AACS: variants seen among roughly 807,000 people sequenced by gnomAD.
AACS encodes acetoacetyl-CoA synthetase.
A neutral mutation model predicts 83.1 loss-of-function variants in AACS; 69 were observed. The observed-to-expected ratio is 0.83, with a 90% CI of 0.68 to 1.01. AACS has a LOEUF of 1.01. AACS is among the 50% of genes least tolerant of loss of function. The probability of loss-of-function intolerance (pLI) is 0.00; values close to 1 mark genes in which losing one functional copy is unlikely to be tolerated. For synonymous variants in AACS, 333 were observed against 343.4 expected, an observed-to-expected ratio of 0.97 and a Z score of 0.33; for missense variants, 866 against 882.2, an observed-to-expected ratio of 0.98 and a Z score of 0.23.
At chr12:125,110,433 T>G (rs908503585) in intron 8 of AACS, among the ~76,000 whole-genome samples, 8 of 152,148 alleles carry the variant, frequency 5.3e-5, no homozygotes, top group Admixed American at 4.6e-4. Flanking sequence ...CTTCTGCCCC[T>G]GGGCTTCCTG....
At chr12:125,077,555 C>T in intron 3 of AACS, among the ~76,000 whole-genome samples, 1 of 151,642 alleles carries the variant, frequency 6.6e-6, no homozygotes, top group Admixed American at 6.6e-5. Context: ...GTTTATTGGA[C>T]ACTCTTTGTG....
rs753641338 is a variant in AACS at position 125,103,081 on chromosome 12, G to C, written c.767G>C (p.Ser256Thr). 2 of 1,613,498 alleles carry C rather than the reference G, an allele frequency of 1.2e-6. No individual in the cohort carries two copies. The highest frequency in any genetic ancestry group is 2.2e-5 in the South Asian group (2 of 90,870). ...ENIDLSKIPN[S>T]VFLDDFLATG... Reference sequence around the variant, plus strand: ...ATAGACCTTTCAAAGATTCCAAACAGGTAATGTACCGCATTCTGACCCACA... The same window carrying C: ...ATAGACCTTTCAAAGATTCCAAACACGTAATGTACCGCATTCTGACCCACA... The change falls in exon 7 of 18, where the codon AGT (serine) becomes ACT (threonine). Residue 256 changes from serine to threonine, a missense_variant and splice_region_variant. By Grantham distance (58) the Ser-to-Thr change is moderately conservative. Transcript: ENST00000316519.
At chr12:125,093,857 C>T (rs1047693334) in intron 5 of AACS, among the ~76,000 whole-genome samples, 1 of 152,198 alleles carries the variant, frequency 6.6e-6, no homozygotes, top group African/African-American at 2.4e-5. Context: ...GAGATCCAGC[C>T]GGTTGGCAGG....
intron 7 of AACS, among the ~76,000 whole-genome samples, chr12:125,104,959 A>G (rs559137413): frequency 7.0e-6 from 1 of 142,772 alleles, no homozygotes; most frequent in East Asian, 2.3e-4. Flanking sequence ...GGCGGAAGGG[A>G]AGTGGAGCGG....
intron 16 of AACS, 27 bp downstream of exon 16, chr12:125,134,879 C>T (rs2136139427): frequency 1.2e-6 from 2 of 1,613,766 alleles, no homozygotes; most frequent in Non-Finnish European, 1.7e-6. Context: ...CCTGAGCGTT[C>T]TCCAGTCTCC....
intron 9 of AACS, among the ~76,000 whole-genome samples, chr12:125,116,912 G>A (rs1195772464): frequency 1.6e-5 from 2 of 127,090 alleles, no homozygotes; most frequent in African/African-American, 5.9e-5. Context: ...TTCCTTTCCC[G>A]TTTTCCCTTT....
intron 7 of AACS, among the ~76,000 whole-genome samples, chr12:125,106,161 CG>C (rs1404159875): frequency 6.6e-6 from 1 of 152,220 alleles, no homozygotes; most frequent in East Asian, 1.9e-4. Flanking sequence ...CTGCAGGCTG[CG>C]TTTAACTGAT....
chr12:125,110,056 G>C (rs1193313498), intron 8 of AACS, among the ~76,000 whole-genome samples: 1 of 150,938 alleles, frequency 6.6e-6, no homozygotes, highest in Non-Finnish European at 1.5e-5. Flanking sequence ...TCCCGGCACT[G>C]TCACCTGGGC....
chr12:125,123,413 G>A (rs928049818), intron 10 of AACS: 1 of 152,244 alleles, frequency 6.6e-6, no homozygotes, highest in Non-Finnish European at 1.5e-5. Context: ...GGTGGGAGGA[G>A]CTAGTCTCCC....
At position 125,113,707 on chromosome 12, in the gene AACS, A is replaced by G. The variant is rs943884341; in HGVS notation, c.916-770A>G. Among the ~76,000 whole-genome samples, 4 of 152,226 alleles carry G rather than the reference A, an allele frequency of 2.6e-5. No homozygotes were observed. Among genetic ancestry groups the G allele is most frequent in the East Asian group, 1.9e-4 (1 of 5,198 alleles). ...ACTGTGTCACAATGAACAAAATGGC[A>G]TTAATAAATATGTGCCGGCATCAGC... On this transcript the variant is annotated intron_variant, in intron 8 of 17. Transcript: ENST00000316519. The surrounding 1 kb of genome is among the most constrained non-coding windows in gnomAD (Gnocchi z 4.8).
intron 3 of AACS, among the ~76,000 whole-genome samples, chr12:125,084,381 C>G (rs1376980923): frequency 6.6e-6 from 1 of 150,808 alleles, no homozygotes; most frequent in Non-Finnish European, 1.5e-5. Flanking sequence ...CTCACTTCCT[C>G]CCCTCCTTTC....
In AACS at chr12:125,102,996, C is replaced by T; in HGVS notation, c.686-4C>T. 6.2e-7 allele frequency: 1 copy of T among 1,612,972 alleles called. No individual in the cohort carries two copies. Among genetic ancestry groups the T allele is most frequent in the Admixed American group, 1.7e-5 (1 of 59,820 alleles). On this transcript the variant is annotated splice_polypyrimidine_tract_variant and splice_region_variant and intron_variant, in intron 6 of 17. Transcript: ENST00000316519. ...CTTGTGTTTTCTCCTCTCGCTCCTT[C>T]CAGGCCTACCAGACTTGAAGAAAGT...
At chr12:125,093,497 T>A (rs1460559385) in intron 5 of AACS, among the ~76,000 whole-genome samples, 1 of 152,244 alleles carries the variant, frequency 6.6e-6, no homozygotes, top group South Asian at 2.1e-4. Context: ...TCAGGAGGGA[T>A]GCATGGCTCT....
At chr12:125,125,150 C>G in intron 12 of AACS, 126 bp downstream of exon 12, 1 of 1,400,732 alleles carries the variant, frequency 7.1e-7, no homozygotes, top group South Asian at 1.3e-5. Flanking sequence ...CGCACAGTCC[C>G]TTCTCATGAT....
chr12:125,133,200 G>A (rs1957351328), intron 14 of AACS, among the ~76,000 whole-genome samples: 1 of 152,164 alleles, frequency 6.6e-6, no homozygotes, highest in African/African-American at 2.4e-5. Flanking sequence ...CCCCCAGCTG[G>A]TTAACTGCTC....
At chr12:125,121,574 G>T (rs1957152984) in intron 10 of AACS, 2 of 152,220 alleles carry the variant, frequency 1.3e-5, no homozygotes, top group Non-Finnish European at 2.9e-5. Flanking sequence ...AATTTGAAAA[G>T]ATGAATTTTC....
chr12:125,066,424 C>T (rs1057186152), intron 1 of AACS, among the ~76,000 whole-genome samples: 1 of 149,950 alleles, frequency 6.7e-6, no homozygotes, highest in Admixed American at 6.6e-5. Context: ...CCCCTCCACC[C>T]TGCCTCCCCT....
At chr12:125,073,735 G>A in intron 1 of AACS, 141 bp from the exon 2 acceptor site, 1 of 630,916 alleles carries the variant, frequency 1.6e-6, no homozygotes, top group Non-Finnish European at 2.7e-6. Flanking sequence ...TACAAATTAA[G>A]CTCCTTCCTC....
intron 5 of AACS, among the ~76,000 whole-genome samples, chr12:125,095,316 A>G (rs1342703062): frequency 6.6e-6 from 1 of 152,158 alleles, no homozygotes; most frequent in Non-Finnish European, 1.5e-5. Flanking sequence ...TCATGGGGCT[A>G]GGGGCCAGAC....
Sources: gnomAD v4.1 joint callset for allele counts (sites outside exome capture counted in the v4.1 genomes callset) on GRCh38, gnomAD v4.1.1 for gene constraint, Gnocchi (gnomAD v3.1) non-coding constraint, MANE v1.5 for transcripts, NCBI Gene and HGNC (gene_info 2026-07-23, HGNC 2026-07-21) for gene names.